Variants in RORA observed in about 807,000 individuals in gnomAD.
RORA encodes the protein nuclear receptor ROR-alpha.
In RORA, 7 loss-of-function variants were observed where a neutral mutation model predicts 69.5. That is an observed-to-expected ratio of 0.10 (90% CI 0.06 to 0.19). The LOEUF (loss-of-function observed/expected upper bound fraction) is 0.19. RORA is among the 10% of genes least tolerant of loss of function. The pLI is 1.00. For missense variants in RORA, 457 were observed against 663.0 expected, an observed-to-expected ratio of 0.69 and a Z score of 3.41; for synonymous variants, 261 against 240.8, an observed-to-expected ratio of 1.08 and a Z score of -0.78.
chr15:61,060,537 T>C (rs1321769781), intron 1 of RORA, among the ~76,000 whole-genome samples: 1 of 152,084 alleles, frequency 6.6e-6, no homozygotes, highest in Non-Finnish European at 1.5e-5. Flanking sequence ...GGAGACCCCA[T>C]CCAGGTAAAT....
intron 1 of RORA, among the ~76,000 whole-genome samples, chr15:60,813,560 G>A (rs1208353014): frequency 2.0e-5 from 3 of 152,190 alleles, no homozygotes; most frequent in Non-Finnish European, 4.4e-5. Context: ...TTCAAAATGA[G>A]CCCCACTTAA....
chr15:60,547,326 T>C (rs1450529147), intron 2 of RORA, among the ~76,000 whole-genome samples: 1 of 134,538 alleles, frequency 7.4e-6, no homozygotes, highest in Non-Finnish European at 1.6e-5. Flanking sequence ...CTCTCCTCCT[T>C]TTTTTTTTTT....
intron 1 of RORA, among the ~76,000 whole-genome samples, chr15:60,908,443 G>C (rs1447335333): frequency 6.6e-6 from 1 of 152,010 alleles, no homozygotes; most frequent in Non-Finnish European, 1.5e-5. Flanking sequence ...GAAATAGAAG[G>C]CACCTCTGGA....
intron 2 of RORA, among the ~76,000 whole-genome samples, chr15:60,643,932 G>C (rs1366516020): frequency 5.9e-5 from 9 of 152,244 alleles, no homozygotes; most frequent in Non-Finnish European, 5.9e-5. Flanking sequence ...ACAGAACCTC[G>C]TGATGAGGGC....
intron 1 of RORA, among the ~76,000 whole-genome samples, chr15:60,716,308 T>C (rs8040547): frequency 1.7e-4 from 26 of 152,342 alleles, no homozygotes; most frequent in African/African-American, 6.3e-4. Flanking sequence ...CCTGTGAATC[T>C]TCCCCTCCTT....
At chr15:61,006,005 T>C (rs1894902487) in intron 1 of RORA, among the ~76,000 whole-genome samples, 1 of 152,130 alleles carries the variant, frequency 6.6e-6, no homozygotes. Context: ...AGTCTCGCTC[T>C]GTCACCAGGC....
chr15:60,765,609 A>G (rs1320139950), intron 1 of RORA: 1 of 152,122 alleles, frequency 6.6e-6, no homozygotes, highest in Non-Finnish European at 1.5e-5. Flanking sequence ...TTTGCCTTCC[A>G]TGAGACAGCT....
intron 1 of RORA, among the ~76,000 whole-genome samples, chr15:60,934,469 TG>T (rs869310611): frequency 3.1e-4 from 9 of 29,048 alleles, no homozygotes; most frequent in Admixed American, 1.0e-3. Context: ...CCCAAGAGTT[TG>T]TTGTTGTTGT....
chr15:61,057,115 G>C (rs563913784), intron 1 of RORA, among the ~76,000 whole-genome samples: 1 of 152,282 alleles, frequency 6.6e-6, no homozygotes, highest in Non-Finnish European at 1.5e-5. Flanking sequence ...AACACCCAAG[G>C]GTATCTCAGG....
chr15:60,920,542 C>T (rs540580426), intron 1 of RORA, among the ~76,000 whole-genome samples: 1 of 152,282 alleles, frequency 6.6e-6, no homozygotes, highest in Admixed American at 6.5e-5. Flanking sequence ...AGTACCCAAA[C>T]TGGGTGCTAG....
intron 1 of RORA, among the ~76,000 whole-genome samples, chr15:61,014,218 C>A (rs1174351181): frequency 6.6e-6 from 1 of 152,212 alleles, no homozygotes; most frequent in Non-Finnish European, 1.5e-5. Flanking sequence ...TCAGCTTCCA[C>A]ATCTATAAAA....
intron 2 of RORA, among the ~76,000 whole-genome samples, chr15:60,586,691 G>T (rs2068345703): frequency 6.6e-6 from 1 of 152,194 alleles, no homozygotes; most frequent in Admixed American, 6.5e-5. Flanking sequence ...CGTTGGAGGT[G>T]TTCCAGCATA....
intron 1 of RORA, among the ~76,000 whole-genome samples, chr15:60,996,085 T>G (rs957285734): frequency 2.5e-4 from 37 of 146,224 alleles, no homozygotes; most frequent in African/African-American, 8.6e-4. Flanking sequence ...TTTTTTTTTT[T>G]TTTGAGATGG....
intron 1 of RORA, among the ~76,000 whole-genome samples, chr15:60,849,731 C>A (rs1436696691): frequency 6.6e-6 from 1 of 152,278 alleles, no homozygotes; most frequent in African/African-American, 2.4e-5. Flanking sequence ...TTCAAGCTAC[C>A]ATTGCGATGT....
At chr15:60,754,237 G>A (rs890970120) in intron 1 of RORA, among the ~76,000 whole-genome samples, 3 of 152,158 alleles carry the variant, frequency 2.0e-5, no homozygotes, top group African/African-American at 4.8e-5. Flanking sequence ...TTGTGAGAAC[G>A]TGTCACATTT....
At chr15:60,953,890 C>T (rs62005588) in intron 1 of RORA, among the ~76,000 whole-genome samples, 35,394 of 146,656 alleles carry the variant, frequency 0.24, 4,810 homozygotes, top group East Asian at 0.57. Context: ...GTGGCGATTC[C>T]TCAGGGATCT....
chr15:60,558,143 A>G (rs1252596182), intron 2 of RORA: 4 of 967,732 alleles, frequency 4.1e-6, no homozygotes, highest in Non-Finnish European at 6.5e-6. Flanking sequence ...CACCGGGGGA[A>G]AGGGAGGCAA....
At chr15:60,565,039 G>A (rs1255192266) in intron 2 of RORA, among the ~76,000 whole-genome samples, 1 of 152,110 alleles carries the variant, frequency 6.6e-6, no homozygotes, top group African/African-American at 2.4e-5. Context: ...AAAAGACAGA[G>A]TGTTCCTGAA....
At chr15:61,201,493 T>C (rs1018628680) in intron 1 of RORA, among the ~76,000 whole-genome samples, 1 of 152,204 alleles carries the variant, frequency 6.6e-6, no homozygotes, top group Non-Finnish European at 1.5e-5. Flanking sequence ...CATGATTTCA[T>C]TCCCTGACAG....
Sources: gnomAD v4.1 joint callset for allele counts (sites outside exome capture counted in the v4.1 genomes callset) on GRCh38, gnomAD v4.1.1 for gene constraint, MANE v1.5 for transcripts, NCBI Gene and HGNC (gene_info 2026-07-23, HGNC 2026-07-21) for gene names.